The following DNAH8 variants were observed in gnomAD, a reference collection of about 807,000 sequenced individuals.
The protein encoded by DNAH8 is axonemal beta dynein heavy chain 8.
DNAH8 carries 382 observed loss-of-function variants against 562.1 expected under a neutral mutation model. The ratio of observed to expected loss-of-function variants is 0.68; its 90% CI spans 0.63 to 0.74. DNAH8 has a LOEUF of 0.74. Among genes scored for constraint, DNAH8 ranks in the 30% least tolerant of loss-of-function variants. DNAH8 has a pLI of 0.00. For missense variants in DNAH8, 5,203 were observed against 5,620.4 expected (o/e 0.93, Z 2.37); for synonymous variants, 1,881 against 1,919.4 (o/e 0.98, Z 0.52).
chr6:38,768,254 T>C (rs148734516), intron 11 of DNAH8, among the ~76,000 whole-genome samples: 1 of 152,114 alleles, frequency 6.6e-6, no homozygotes, highest in African/African-American at 2.4e-5. Flanking sequence ...CTATTGCTTA[T>C]TTGTCTATTT....
intron 79 of DNAH8, among the ~76,000 whole-genome samples, chr6:38,943,945 A>G (rs1783650364): frequency 6.6e-6 from 1 of 152,066 alleles, no homozygotes; most frequent in Non-Finnish European, 1.5e-5. Context: ...TTTTTTGTTC[A>G]AGTTTATGCA....
intron 42 of DNAH8, among the ~76,000 whole-genome samples, chr6:38,859,743 C>G (rs1055494642): frequency 3.3e-5 from 5 of 152,222 alleles, no homozygotes. Context: ...GAGCCCAGTA[C>G]CTCTTGCCTC....
intron 59 of DNAH8, among the ~76,000 whole-genome samples, chr6:38,895,750 G>C (rs1195625773): frequency 6.6e-6 from 1 of 152,166 alleles, no homozygotes; most frequent in African/African-American, 2.4e-5. Flanking sequence ...CCAGAAAGAG[G>C]ACGCTCGTCC....
At chr6:38,796,051 G>T (rs990938441) in intron 21 of DNAH8, among the ~76,000 whole-genome samples, 1 of 152,164 alleles carries the variant, frequency 6.6e-6, no homozygotes, top group Non-Finnish European at 1.5e-5. Context: ...GGCCAGCTGG[G>T]TCCCTTTTAG....
intron 10 of DNAH8, 120 bp from the exon 11 acceptor site, chr6:38,761,582 C>T (rs1766519928): frequency 1.9e-6 from 1 of 521,198 alleles, no homozygotes; most frequent in Non-Finnish European, 3.1e-6. Flanking sequence ...AGGCATGAGC[C>T]ACTGCACTTG....
Position 38,752,105 on chromosome 6 carries a change from T to G in DNAH8, c.1407+1516T>G, listed in dbSNP as rs78860889. ...TTATGGGTTGTATTATTTTTCCACTTTACTATGTTGCTTCTTCAAGGTATT... is the reference window on the plus strand; with the variant it reads ...TTATGGGTTGTATTATTTTTCCACTGTACTATGTTGCTTCTTCAAGGTATT... On this transcript the variant is annotated intron_variant, in intron 9 of 92. Coordinates refer to ENST00000327475, the MANE Select transcript of DNAH8 (RefSeq NM_001206927.2). Among the ~76,000 whole-genome samples, 1,022 of 152,278 alleles carry G rather than the reference T, an allele frequency of 6.7e-3. 16 individuals carry two copies. Among genetic ancestry groups the G allele is most frequent in the African/African-American group, 0.023 (966 of 41,522 alleles).
Position 38,923,965 on chromosome 6 carries a change from G to A in DNAH8, c.10791-26G>A, listed in dbSNP as rs368156858. 17 of 1,612,866 alleles carry A rather than the reference G, an allele frequency of 1.1e-5. No individual in the cohort carries two copies. The African/African-American group carries it at 1.3e-4, about 13-fold the overall frequency. ...TTAATGTCAGGTGACTCACTTTGGG[G>A]AGGGGGCTGTGTGTTTTCTTCACAG... On this transcript the variant is annotated intron_variant, in intron 72 of 92. Coordinates refer to ENST00000327475, the MANE Select transcript of DNAH8 (RefSeq NM_001206927.2).
intron 70 of DNAH8, among the ~76,000 whole-genome samples, chr6:38,920,995 A>T (rs1781660878): frequency 6.6e-6 from 1 of 152,102 alleles, no homozygotes; most frequent in Non-Finnish European, 1.5e-5. Context: ...GGCCCAAGTG[A>T]TCCTCCTGCT....
At position 38,917,994 on chromosome 6, in the gene DNAH8, G is replaced by C. The variant is rs200376058; in HGVS notation, c.10378G>C (p.Val3460Leu). 1.2e-6 allele frequency: 2 copies of C among 1,613,698 alleles called. No individual in the cohort carries two copies. Among genetic ancestry groups the C allele is most frequent in the Non-Finnish European group, 1.7e-6 (2 of 1,179,836 alleles). The change falls in exon 70 of 93, where the codon GTT (valine) becomes CTT (leucine). Residue 3460 changes from valine to leucine, a missense_variant. Val to Leu is a conservative substitution (Grantham distance 32). Transcript: ENST00000327475. ...FPKDTINEET[V>L]ELLQPYFNMD... The stretch of plus-strand genomic sequence containing the variant: ...TAAGGACACTATAAATGAAGAGACT[G>C]TTGAGTTACTACAGCCATATTTTAA...
intron 9 of DNAH8, among the ~76,000 whole-genome samples, 168 bp from the exon 10 acceptor site, chr6:38,755,804 C>T (rs1018813190): frequency 1.3e-5 from 2 of 152,154 alleles, no homozygotes; most frequent in African/African-American, 4.8e-5. Context: ...GTCCTGTTAT[C>T]TGTTCCAGGG....
intron 77 of DNAH8, among the ~76,000 whole-genome samples, chr6:38,936,692 G>A (rs1167718447): frequency 2.0e-5 from 3 of 152,050 alleles, no homozygotes; most frequent in Non-Finnish European, 2.9e-5. Flanking sequence ...GATACCCCTG[G>A]GCATTAAAAA....
chr6:38,924,354 AT>A (rs1410997264), intron 73 of DNAH8, among the ~76,000 whole-genome samples, 192 bp downstream of exon 73: 1 of 152,068 alleles, frequency 6.6e-6, no homozygotes, highest in Non-Finnish European at 1.5e-5. Flanking sequence ...TCTACTAAAA[AT>A]ACAAAAGTTA....
Position 38,807,635 on chromosome 6 carries a change from T to C in DNAH8, c.3176T>C (p.Phe1059Ser). 3 of 1,559,750 alleles carry C rather than the reference T, an allele frequency of 1.9e-6. No homozygotes were observed. The highest frequency in any genetic ancestry group is 2.6e-6 in the Non-Finnish European group (3 of 1,157,034). ...GAGTGTAAAGAGGTCTTTGCTTTTTTCTCTCATCAATTACTAGACAGTCTT... is the reference window on the plus strand; with the variant it reads ...GAGTGTAAAGAGGTCTTTGCTTTTTCCTCTCATCAATTACTAGACAGTCTT... ...KKECKEVFAF[F>S]SHQLLDSLQK... The change falls in exon 24 of 93, where the codon TTC becomes TCC. Residue 1059 changes from phenylalanine (F) to serine (S), a missense_variant. Physicochemically the swap from Phe to Ser is radical, Grantham distance 155. Transcript: ENST00000327475.
Position 38,851,603 on chromosome 6 carries a change from A to T in DNAH8, c.5395A>T (p.Arg1799Ter). Reference sequence around the variant, plus strand: ...GGAGAAGAAACGATTACTGTTTCCAAGATTCTTCTTTGTATCTGATCCAGT... The same window carrying T: ...GGAGAAGAAACGATTACTGTTTCCATGATTCTTCTTTGTATCTGATCCAGT... ...YLEKKRLLFP[R>*]FFFVSDPVLL... Residue 1799 changes from arginine (R) to a stop codon, truncating the protein, a stop_gained, in exon 39 of 93, where the codon AGA becomes TGA. Transcript: ENST00000327475. LOFTEE classifies it high-confidence loss of function. 6.2e-7 allele frequency: 1 copy of T among 1,611,654 alleles called. No homozygotes were observed. Among genetic ancestry groups the T allele is most frequent in the Non-Finnish European group, 8.5e-7 (1 of 1,179,124 alleles).
At chr6:38,800,125 T>G (rs1366198272) in intron 21 of DNAH8, among the ~76,000 whole-genome samples, 1 of 147,186 alleles carries the variant, frequency 6.8e-6, no homozygotes, top group Non-Finnish European at 1.5e-5. Context: ...ATGCCACATT[T>G]TATCTATCCA....
chr6:38,902,602 C>G (rs1780150436), intron 62 of DNAH8, among the ~76,000 whole-genome samples: 1 of 152,152 alleles, frequency 6.6e-6, no homozygotes, highest in Admixed American at 6.5e-5. Flanking sequence ...ATGTCAAGCC[C>G]CCTTCTGTTT....
chr6:38,828,972 C>G (rs1398096938), intron 30 of DNAH8, among the ~76,000 whole-genome samples: 3 of 152,154 alleles, frequency 2.0e-5, no homozygotes. Context: ...TTAATGTAGA[C>G]TAAATCATAC....
In DNAH8 at chr6:38,864,135, A is replaced by G. The variant is rs377141873; in HGVS notation, c.6498+75A>G. ...CATAAATAAAACAAAGCATGTGTTAATGGGTAGATGACCAACTATCCAGGA... is the reference window on the plus strand; with the variant it reads ...CATAAATAAAACAAAGCATGTGTTAGTGGGTAGATGACCAACTATCCAGGA... On this transcript the variant is annotated intron_variant, in intron 45 of 92. Coordinates refer to ENST00000327475, the MANE Select transcript of DNAH8 (RefSeq NM_001206927.2). 2.1e-5 allele frequency: 29 copies of G among 1,351,730 alleles called. No homozygotes were observed. The African/African-American group carries it at 3.3e-4, about 15-fold the overall frequency. 83.7% of individuals were successfully genotyped at this position (1,351,730 alleles called of 1,614,324 possible).
chr6:39,001,164 G>T lies in DNAH8; in HGVS notation c.13215-7650G>T, dbSNP rs115560714. The stretch of plus-strand genomic sequence containing the variant: ...GAAGGTTTTGCCAAAAGAGTTTGGG[G>T]CAATATTTTAAATTGGAATACGGTT... On this transcript the variant is annotated intron_variant, in intron 88 of 92. Transcript: ENST00000327475. Among the ~76,000 whole-genome samples, 1,206 of 152,098 alleles carry T rather than the reference G, an allele frequency of 7.9e-3. 15 individuals are homozygous for T. Among genetic ancestry groups the T allele is most frequent in the African/African-American group, 0.028 (1,141 of 41,482 alleles).
Sources: gnomAD v4.1 joint callset for allele counts (sites outside exome capture counted in the v4.1 genomes callset) on GRCh38, gnomAD v4.1.1 for gene constraint, MANE v1.5 for transcripts, NCBI Gene and HGNC (gene_info 2026-07-23, HGNC 2026-07-21) for gene names.